Variants in ACYP2 observed in about 807,000 individuals in gnomAD.
The protein encoded by ACYP2 is acylphosphatase 2.
In ACYP2, 12 loss-of-function variants were observed where a neutral mutation model predicts 11.2. The ratio of observed to expected loss-of-function variants is 1.08; its 90% CI spans 0.69 to 1.74. The LOEUF (loss-of-function observed/expected upper bound fraction) is 1.74. ACYP2 is among the 40% of genes most tolerant of loss of function. ACYP2 has a pLI of 0.00. For missense variants in ACYP2, 134 were observed against 101.9 expected (o/e 1.31, Z -1.35); for synonymous variants, 43 against 32.2 (o/e 1.33, Z -1.13).
chr2:54,160,756 C>G (rs1180805378), intron 6 of ACYP2, among the ~76,000 whole-genome samples: 1 of 152,204 alleles, frequency 6.6e-6, no homozygotes, highest in East Asian at 1.9e-4. Flanking sequence ...ATTTGTCCTT[C>G]TGTCAGCAAT....
At chr2:54,003,845 A>G (rs1672923408) in intron 2 of ACYP2, among the ~76,000 whole-genome samples, 1 of 152,238 alleles carries the variant, frequency 6.6e-6, no homozygotes, top group Non-Finnish European at 1.5e-5. Flanking sequence ...GCCATTTTGC[A>G]TTCCTACTAG....
chr2:54,196,372 G>C (rs538310511), intron 6 of ACYP2, among the ~76,000 whole-genome samples: 197 of 152,010 alleles, frequency 1.3e-3, no homozygotes, highest in Non-Finnish European at 1.9e-3. Flanking sequence ...CCTATTTTAA[G>C]ATTTGTCCTT....
intron 6 of ACYP2, among the ~76,000 whole-genome samples, chr2:54,143,976 T>C (rs2103795373): frequency 6.6e-6 from 1 of 152,218 alleles, no homozygotes; most frequent in South Asian, 2.1e-4. Flanking sequence ...GTAACTGGTA[T>C]GTTTGTTTTT....
intron 2 of ACYP2, chr2:54,029,833 C>T (rs1252828843): frequency 4.5e-6 from 2 of 441,284 alleles, no homozygotes; most frequent in South Asian, 2.4e-5. Flanking sequence ...GTGCCCACTC[C>T]CTTGATGTCT....
intron 6 of ACYP2, among the ~76,000 whole-genome samples, chr2:54,164,817 C>T (rs1325729808): frequency 6.6e-6 from 1 of 152,120 alleles, no homozygotes; most frequent in African/African-American, 2.4e-5. Flanking sequence ...AGTTTTTAAG[C>T]CCCACAGCCA....
intron 2 of ACYP2, among the ~76,000 whole-genome samples, chr2:54,048,916 G>A (rs1264732671): frequency 4.6e-5 from 7 of 152,130 alleles, no homozygotes; most frequent in Admixed American, 3.9e-4. Flanking sequence ...GCAACAGCAG[G>A]GACAAGGACA....
intron 2 of ACYP2, among the ~76,000 whole-genome samples, chr2:53,988,246 C>T (rs1392699423): frequency 6.6e-6 from 1 of 151,876 alleles, no homozygotes; most frequent in Admixed American, 6.6e-5. Flanking sequence ...TTTGCCTAGT[C>T]CTAGATTCCA....
chr2:54,126,686 G>T (rs191399047), intron 4 of ACYP2, among the ~76,000 whole-genome samples: 1 of 150,486 alleles, frequency 6.6e-6, no homozygotes, highest in East Asian at 2.0e-4. Flanking sequence ...AGTGGCTCAC[G>T]CCTGTAATCC....
chr2:53,987,121 T>C (rs1188639985), intron 2 of ACYP2, among the ~76,000 whole-genome samples: 7 of 152,168 alleles, frequency 4.6e-5, no homozygotes, highest in Admixed American at 1.3e-4. Context: ...TTCTGTGTTA[T>C]AACAAGCAAA....
chr2:54,069,614 AT>A (rs1676922035), intron 4 of ACYP2, among the ~76,000 whole-genome samples: 1 of 152,130 alleles, frequency 6.6e-6, no homozygotes, highest in Non-Finnish European at 1.5e-5. Flanking sequence ...GTGAGCCAAG[AT>A]TGCGCCACTG....
At chr2:54,080,886 A>G (rs762272033) in intron 4 of ACYP2, among the ~76,000 whole-genome samples, 2 of 152,066 alleles carry the variant, frequency 1.3e-5, no homozygotes, top group Non-Finnish European at 1.5e-5. Context: ...TCGACCTCCC[A>G]AAGTGATAGG....
In ACYP2 at chr2:53,984,503, G is replaced by A. The variant is rs141241050; in HGVS notation, c.62+10693G>A. ...GAGGCAGGATAATCTCTTGAACCGG[G>A]GGGGTGGGGGTTGCAGCGAGCCGAG... On this transcript the variant is annotated intron_variant, in intron 2 of 6. Coordinates refer to ENST00000607452, the MANE Select transcript of ACYP2 (RefSeq NM_001320586.2). Among the ~76,000 whole-genome samples the A allele has an allele frequency of 2.6e-5, 4 of 151,972 alleles. No homozygotes were observed. The South Asian group carries it at 8.3e-4, about 32-fold the overall frequency.
At chr2:54,153,191 G>A (rs1682262013) in intron 6 of ACYP2, among the ~76,000 whole-genome samples, 1 of 151,944 alleles carries the variant, frequency 6.6e-6, no homozygotes, top group South Asian at 2.1e-4. Flanking sequence ...TCTGCATGTG[G>A]ATGTCCAGTT....
intron 2 of ACYP2, among the ~76,000 whole-genome samples, chr2:53,978,820 G>A (rs1671615078): frequency 6.6e-6 from 1 of 152,164 alleles, no homozygotes; most frequent in Admixed American, 6.5e-5. Context: ...CTACTCAGGA[G>A]TCTGAGGTGG....
intron 6 of ACYP2, among the ~76,000 whole-genome samples, chr2:54,272,437 C>T (rs927372864): frequency 1.4e-5 from 2 of 145,986 alleles, no homozygotes; most frequent in Non-Finnish European, 3.0e-5. Flanking sequence ...ATATGCTTCA[C>T]ACTTCCTGTT....
chr2:54,221,909 G>A (rs1685816692), intron 6 of ACYP2, among the ~76,000 whole-genome samples: 2 of 152,112 alleles, frequency 1.3e-5, no homozygotes, highest in South Asian at 4.1e-4. Context: ...GGCACTACAA[G>A]TAATCACAAA....
At chr2:54,232,813 T>A (rs1205264385) in intron 6 of ACYP2, among the ~76,000 whole-genome samples, 1 of 152,134 alleles carries the variant, frequency 6.6e-6, no homozygotes, top group African/African-American at 2.4e-5. Context: ...AGAACTCATT[T>A]ACTATCACAG....
chr2:54,121,932 A>G (rs6757372), intron 4 of ACYP2, among the ~76,000 whole-genome samples: 4,005 of 152,326 alleles, frequency 0.026, 157 homozygotes, highest in African/African-American at 0.087. Context: ...ATTTGGGGAT[A>G]TCTGGCTTGG....
intron 2 of ACYP2, among the ~76,000 whole-genome samples, chr2:54,019,931 A>C (rs1296586468): frequency 6.6e-6 from 1 of 151,160 alleles, no homozygotes; most frequent in East Asian, 2.0e-4. Context: ...TTTCTTTTGA[A>C]TGATGCTTCT....
Sources: allele counts gnomAD v4.1 joint callset (sites outside exome capture counted in the v4.1 genomes callset), GRCh38; gene constraint gnomAD v4.1.1; transcripts MANE v1.5; gene names NCBI Gene and HGNC (gene_info 2026-07-23, HGNC 2026-07-21).